Variants in TTC28 observed in about 807,000 individuals in gnomAD.
TTC28 encodes the protein tetratricopeptide repeat protein 28.
A neutral mutation model predicts 198.0 loss-of-function variants in TTC28; 61 were observed. The observed-to-expected ratio is 0.31, with a 90% CI of 0.25 to 0.38. The LOEUF (loss-of-function observed/expected upper bound fraction) is 0.38, where lower values mean the gene tolerates loss of function less well. TTC28 is among the 10% of genes least tolerant of loss of function. The probability of loss-of-function intolerance (pLI) is 1.00; values close to 1 mark genes in which losing one functional copy is unlikely to be tolerated. For missense variants in TTC28, 2,678 were observed against 3,164.0 expected (o/e 0.85, Z 3.69); for synonymous variants, 1,171 against 1,297.8 (o/e 0.90, Z 2.10).
intron 6 of TTC28, among the ~76,000 whole-genome samples, chr22:28,135,929 G>T (rs1278613018): frequency 6.6e-6 from 1 of 152,128 alleles, no homozygotes; most frequent in African/African-American, 2.4e-5. Context: ...TGATTTGAAT[G>T]TACATATTAT....
chr22:28,227,763 T>C (rs537067485), intron 5 of TTC28, among the ~76,000 whole-genome samples: 1 of 151,180 alleles, frequency 6.6e-6, no homozygotes, highest in Admixed American at 6.6e-5. Flanking sequence ...TGTGCACTGC[T>C]AGTGGGAATG....
chr22:28,104,394 T>C (rs1174174837), intron 8 of TTC28, among the ~76,000 whole-genome samples: 1 of 152,142 alleles, frequency 6.6e-6, no homozygotes, highest in Non-Finnish European at 1.5e-5. Context: ...GAGAATTGAA[T>C]CAGCTTAAAT....
chr22:28,293,629 CCCT>C (rs1284464029), intron 5 of TTC28, among the ~76,000 whole-genome samples: 1 of 151,956 alleles, frequency 6.6e-6, no homozygotes, highest in East Asian at 1.9e-4. Flanking sequence ...AATGTTCCCC[CCCT>C]CCAACAGAAA....
intron 5 of TTC28, among the ~76,000 whole-genome samples, chr22:28,237,444 C>A (rs888856100): frequency 1.2e-4 from 19 of 152,164 alleles, no homozygotes; most frequent in Admixed American, 1.1e-3. Flanking sequence ...CAGTACACAT[C>A]TTTAAATTAG....
intron 2 of TTC28, among the ~76,000 whole-genome samples, chr22:28,586,281 A>G (rs1423427671): frequency 1.3e-5 from 2 of 151,240 alleles, no homozygotes; most frequent in Non-Finnish European, 1.5e-5. Flanking sequence ...TCCGTCTCAA[A>G]AAAAAAAAAA....
At chr22:28,117,564 G>A (rs917089999) in intron 6 of TTC28, among the ~76,000 whole-genome samples, 26 of 151,972 alleles carry the variant, frequency 1.7e-4, no homozygotes, top group African/African-American at 6.0e-4. Flanking sequence ...CTGTAAACTT[G>A]AACCAAATTA....
At chr22:28,408,642 G>T (rs907896403) in intron 2 of TTC28, among the ~76,000 whole-genome samples, 3 of 152,184 alleles carry the variant, frequency 2.0e-5, no homozygotes, top group East Asian at 3.8e-4. Context: ...ACCTGCGTCG[G>T]CCTCCCAAAG....
chr22:28,114,579 ATTTTT>A (rs68190158), intron 6 of TTC28, among the ~76,000 whole-genome samples: 2 of 138,962 alleles, frequency 1.4e-5, no homozygotes, highest in Non-Finnish European at 1.6e-5. Context: ...AAAGGTATAG[ATTTTT>A]TTTTTTTTTT....
intron 1 of TTC28, among the ~76,000 whole-genome samples, chr22:28,660,388 C>CTCACTG (rs2051723257): frequency 6.6e-6 from 1 of 152,074 alleles, no homozygotes; most frequent in South Asian, 2.1e-4. Context: ...TGCAGTGGCA[C>CTCACTG]CATCTCAGCT....
At chr22:28,118,348 G>A (rs1362632576) in intron 6 of TTC28, among the ~76,000 whole-genome samples, 4 of 151,712 alleles carry the variant, frequency 2.6e-5, no homozygotes, top group Non-Finnish European at 4.4e-5. Flanking sequence ...GCAGCAAGCC[G>A]AGATCACGCC....
At chr22:28,247,014 A>G (rs192775187) in intron 5 of TTC28, among the ~76,000 whole-genome samples, 1 of 152,334 alleles carries the variant, frequency 6.6e-6, no homozygotes, top group Non-Finnish European at 1.5e-5. Flanking sequence ...CTAGAGCCCT[A>G]CCTGAGGGCA....
chr22:28,115,622 T>C (rs1238194629), intron 6 of TTC28, among the ~76,000 whole-genome samples: 1 of 152,266 alleles, frequency 6.6e-6, no homozygotes, highest in East Asian at 1.9e-4. Flanking sequence ...ATGTAATCTG[T>C]GTGGGCATCA....
chr22:28,475,022 A>C (rs2048142573), intron 2 of TTC28, among the ~76,000 whole-genome samples: 1 of 151,820 alleles, frequency 6.6e-6, no homozygotes, highest in Non-Finnish European at 1.5e-5. Flanking sequence ...AACATTAAGA[A>C]AACAAAAGTC....
intron 2 of TTC28, among the ~76,000 whole-genome samples, chr22:28,604,010 G>A (rs1201743972): frequency 1.3e-5 from 2 of 152,078 alleles, no homozygotes; most frequent in East Asian, 1.9e-4. Context: ...GGGTGTGGTG[G>A]CACACATCTG....
chr22:28,066,306 T>G (rs5762464), intron 12 of TTC28, among the ~76,000 whole-genome samples: 9 of 140,362 alleles, frequency 6.4e-5, no homozygotes, highest in East Asian at 2.2e-4. Context: ...GTGTGTGTGG[T>G]GTGTGTGTGT....
At chr22:28,202,302 C>G (rs1400709027) in intron 5 of TTC28, among the ~76,000 whole-genome samples, 1 of 151,974 alleles carries the variant, frequency 6.6e-6, no homozygotes, top group African/African-American at 2.4e-5. Context: ...TTTGGGAGGC[C>G]AAGGCAGGAG....
At chr22:28,028,733 G>C (rs563798879) in intron 13 of TTC28, 1 of 286,246 alleles carries the variant, frequency 3.5e-6, no homozygotes, top group Non-Finnish European at 6.9e-6. Flanking sequence ...TTTAAGTTTA[G>C]CACTATTCTT....
intron 6 of TTC28, among the ~76,000 whole-genome samples, chr22:28,137,424 T>G (rs1943224541): frequency 6.6e-6 from 1 of 152,130 alleles, no homozygotes; most frequent in Admixed American, 6.5e-5. Flanking sequence ...AGCGTACAGG[T>G]AGCAGACCAG....
chr22:28,591,040 CATATATATATATATATATATATATATAT>C (rs377761638), intron 2 of TTC28, among the ~76,000 whole-genome samples: 2 of 30,756 alleles, frequency 6.5e-5, no homozygotes, highest in African/African-American at 3.2e-4. Context: ...CACACACACA[CATATATATATATATATATATATATATAT>C]ATATATATAT....
Sources: gnomAD v4.1 joint callset for allele counts (sites outside exome capture counted in the v4.1 genomes callset) on GRCh38, gnomAD v4.1.1 for gene constraint, MANE v1.5 for transcripts, NCBI Gene and HGNC (gene_info 2026-07-23, HGNC 2026-07-21) for gene names.